PDE4B: variants seen among roughly 807,000 people sequenced by gnomAD.
PDE4B encodes 3',5'-cyclic-AMP phosphodiesterase 4B.
Under a neutral mutation model 82.2 loss-of-function variants are expected in PDE4B, and 20 were observed. That is an observed-to-expected ratio of 0.24 (90% CI 0.17 to 0.35). PDE4B has a LOEUF of 0.35. Ranked by LOEUF, PDE4B falls within the 10% of genes least tolerant of loss-of-function variation. The pLI, the probability that PDE4B is intolerant of heterozygous loss-of-function variation, is 1.00. For missense variants in PDE4B, 655 were observed against 907.2 expected (o/e 0.72, Z 3.57); for synonymous variants, 320 against 318.9 (o/e 1.00, Z -0.04).
intron 7 of PDE4B, among the ~76,000 whole-genome samples, chr1:66,292,707 T>A (rs1028164461): frequency 6.6e-6 from 1 of 152,154 alleles, no homozygotes; most frequent in Non-Finnish European, 1.5e-5. Flanking sequence ...CCTGCCTACA[T>A]ATCGTACACT....
chr1:65,838,624 T>A (rs1570997867), intron 1 of PDE4B, among the ~76,000 whole-genome samples: 1 of 149,080 alleles, frequency 6.7e-6, no homozygotes, highest in East Asian at 1.9e-4. Context: ...TGTATATATA[T>A]GTGTGTATAT....
At chr1:66,092,694 A>C (rs1645047967) in intron 3 of PDE4B, among the ~76,000 whole-genome samples, 1 of 152,070 alleles carries the variant, frequency 6.6e-6, no homozygotes, top group Non-Finnish European at 1.5e-5. Context: ...TAGAGTGTCC[A>C]GGGATAGCTT....
At chr1:66,093,478 T>A (rs1307864863) in intron 3 of PDE4B, among the ~76,000 whole-genome samples, 1 of 152,012 alleles carries the variant, frequency 6.6e-6, no homozygotes, top group East Asian at 1.9e-4. Context: ...ATTGTGCTTT[T>A]TTTTCAGTGT....
intron 7 of PDE4B, among the ~76,000 whole-genome samples, chr1:66,324,351 T>C (rs1659604321): frequency 6.6e-6 from 1 of 152,154 alleles, no homozygotes; most frequent in Non-Finnish European, 1.5e-5. Flanking sequence ...CCTTCTTCTT[T>C]GCCTCCCTCC....
intron 3 of PDE4B, among the ~76,000 whole-genome samples, chr1:66,046,440 A>C (rs898938482): frequency 6.6e-6 from 1 of 151,826 alleles, no homozygotes; most frequent in East Asian, 1.9e-4. Context: ...CTTCAGTTCA[A>C]CTTTCCTTTA....
chr1:66,349,874 T>C (rs1381996674), intron 8 of PDE4B, among the ~76,000 whole-genome samples: 2 of 152,274 alleles, frequency 1.3e-5, no homozygotes, highest in East Asian at 3.9e-4. Context: ...TCTTTGGGTC[T>C]TCATTTCTTC....
At chr1:66,033,586 C>G (rs1405286628) in intron 3 of PDE4B, among the ~76,000 whole-genome samples, 2 of 151,946 alleles carry the variant, frequency 1.3e-5, no homozygotes, top group Non-Finnish European at 2.9e-5. Flanking sequence ...GAAATACAGA[C>G]ACTTTAATTT....
At chr1:65,940,014 A>C (rs1020234968) in intron 3 of PDE4B, among the ~76,000 whole-genome samples, 2 of 152,182 alleles carry the variant, frequency 1.3e-5, no homozygotes, top group African/African-American at 2.4e-5. Flanking sequence ...ACTAACAAGA[A>C]AACTATAGAA....
intron 3 of PDE4B, among the ~76,000 whole-genome samples, chr1:66,083,711 A>G (rs991114712): frequency 2.6e-5 from 4 of 152,118 alleles, no homozygotes; most frequent in African/African-American, 7.2e-5. Flanking sequence ...AATTATCTCC[A>G]TAACCTAAGT....
intron 3 of PDE4B, among the ~76,000 whole-genome samples, chr1:66,190,156 G>A (rs754715543): frequency 6.6e-6 from 1 of 152,178 alleles, no homozygotes; most frequent in Non-Finnish European, 1.5e-5. Flanking sequence ...GCTGATATTG[G>A]TGAACAGCAA....
chr1:65,882,989 A>G (rs1429930327), intron 1 of PDE4B, among the ~76,000 whole-genome samples: 1 of 152,150 alleles, frequency 6.6e-6, no homozygotes, highest in Non-Finnish European at 1.5e-5. Flanking sequence ...CCTGCATCAC[A>G]TTATTATTTA....
intron 7 of PDE4B, 87 bp downstream of exon 7, chr1:66,266,174 G>A: frequency 9.5e-7 from 1 of 1,057,216 alleles, no homozygotes; most frequent in Non-Finnish European, 1.5e-6. Flanking sequence ...TAGAACAATA[G>A]TGTTGTTTGC....
At chr1:65,907,147 A>C (rs1486767982) in intron 1 of PDE4B, among the ~76,000 whole-genome samples, 1 of 152,110 alleles carries the variant, frequency 6.6e-6, no homozygotes, top group Admixed American at 6.6e-5. Flanking sequence ...AACTTCAAAA[A>C]TTTTGGGGAG....
At chr1:66,287,201 A>C (rs1237040881) in intron 7 of PDE4B, among the ~76,000 whole-genome samples, 2 of 152,154 alleles carry the variant, frequency 1.3e-5, no homozygotes, top group Non-Finnish European at 2.9e-5. Flanking sequence ...TGCCCCCACA[A>C]CTGGCGAGTG....
intron 3 of PDE4B, among the ~76,000 whole-genome samples, chr1:66,113,877 A>G (rs633894): frequency 0.49 from 75,063 of 151,990 alleles, 19,054 homozygotes; most frequent in East Asian, 0.67. Flanking sequence ...TTAAGTGCTT[A>G]CCTTAAGCTA....
chr1:66,114,677 C>T (rs895003031), intron 3 of PDE4B, among the ~76,000 whole-genome samples: 4 of 149,542 alleles, frequency 2.7e-5, no homozygotes, highest in Admixed American at 2.0e-4. Flanking sequence ...GCTGTGACAC[C>T]CAGGCTGGAG....
intron 1 of PDE4B, among the ~76,000 whole-genome samples, chr1:65,892,383 A>T (rs1178017567): frequency 1.3e-5 from 2 of 152,084 alleles, no homozygotes; most frequent in Admixed American, 6.6e-5. Context: ...TAATTGAGTG[A>T]CCTTGTTTAA....
intron 3 of PDE4B, among the ~76,000 whole-genome samples, chr1:66,226,330 C>T (rs1269655559): frequency 2.0e-5 from 3 of 152,102 alleles, no homozygotes; most frequent in African/African-American, 7.2e-5. Flanking sequence ...ATGAAGCCTG[C>T]ATTTAATGGA....
intron 3 of PDE4B, among the ~76,000 whole-genome samples, chr1:66,003,899 C>A (rs1443735686): frequency 1.3e-5 from 2 of 152,134 alleles, no homozygotes; most frequent in African/African-American, 4.8e-5. Flanking sequence ...CTTTACCTGT[C>A]AGCCTGCTCA....
Sources: gnomAD v4.1 joint callset for allele counts (sites outside exome capture counted in the v4.1 genomes callset) on GRCh38, gnomAD v4.1.1 for gene constraint, MANE v1.5 for transcripts, NCBI Gene and HGNC (gene_info 2026-07-23, HGNC 2026-07-21) for gene names.